CD84: variants seen among roughly 807,000 people sequenced by gnomAD.
CD84 encodes CD84 molecule.
In CD84, 22 loss-of-function variants were observed where a neutral mutation model predicts 33.8. The ratio of observed to expected loss-of-function variants is 0.65; its 90% CI spans 0.46 to 0.93. CD84 has a LOEUF of 0.93. Among genes scored for constraint, CD84 ranks in the 40% least tolerant of loss-of-function variants. CD84 has a pLI of 0.00. For missense variants in CD84, 400 were observed against 397.6 expected, an observed-to-expected ratio of 1.01 and a Z score of -0.05; for synonymous variants, 154 against 145.2, an observed-to-expected ratio of 1.06 and a Z score of -0.44.
At chr1:160,565,019 C>T (rs565235783) in intron 2 of CD84, among the ~76,000 whole-genome samples, 2 of 152,280 alleles carry the variant, frequency 1.3e-5, no homozygotes, top group South Asian at 2.1e-4. Flanking sequence ...TACATAGAAC[C>T]TCCCTGTATA....
rs559193995 is a variant in CD84, at chr1:160,552,946, T to A, written c.760+432A>T. 8.3e-5 allele frequency: 49 copies of A among 593,924 alleles called. 1 individual carries two copies. In the South Asian group the frequency reaches 8.6e-4, roughly 10 times the overall value. 36.8% of individuals were successfully genotyped at this position (593,924 alleles called of 1,614,324 possible). ...TGATCCAGAGGGATTCAGAGGGACA[T>A]AGTGACAACCATGGAGTACAGGATT... On this transcript the variant is annotated intron_variant, in intron 4 of 6. Coordinates refer to ENST00000368054, the MANE Select transcript of CD84 (RefSeq NM_003874.4).
chr1:160,551,301 AG>A (rs1656205710), intron 4 of CD84: 6 of 407,232 alleles, frequency 1.5e-5, no homozygotes. Flanking sequence ...CTGTGTGGCC[AG>A]TCAAATGTAG....
intron 2 of CD84, among the ~76,000 whole-genome samples, chr1:160,558,316 C>G (rs56236907): frequency 0.05 from 7,570 of 152,176 alleles, 641 homozygotes; most frequent in African/African-American, 0.17. Flanking sequence ...AGACTTCACT[C>G]GTGATACCTC....
intron 1 of CD84, among the ~76,000 whole-genome samples, chr1:160,567,271 C>T (rs1218372094): frequency 6.6e-6 from 1 of 152,138 alleles, no homozygotes; most frequent in African/African-American, 2.4e-5. Flanking sequence ...ACAAAAAAAG[C>T]GATTTCTTAA....
At chr1:160,565,846 C>T (rs1336605724) in intron 1 of CD84, 101 bp from the exon 2 acceptor site, 6 of 939,604 alleles carry the variant, frequency 6.4e-6, no homozygotes, top group Non-Finnish European at 9.2e-6. Context: ...GCCACAAATG[C>T]AGTTCACCCA....
intron 2 of CD84, among the ~76,000 whole-genome samples, chr1:160,555,066 A>G (rs1571354919): frequency 1.3e-5 from 2 of 151,550 alleles, no homozygotes; most frequent in Non-Finnish European, 1.5e-5. Flanking sequence ...TCAGCACACA[A>G]CTACATGAAA....
intron 6 of CD84, among the ~76,000 whole-genome samples, chr1:160,549,430 C>CT (rs369713099): frequency 2.0e-5 from 3 of 152,284 alleles, no homozygotes; most frequent in African/African-American, 7.2e-5. Context: ...AAGGCACAGG[C>CT]ATAAGGCACA....
At chr1:160,552,821 T>C in intron 4 of CD84, 1 of 1,021,224 alleles carries the variant, frequency 9.8e-7, no homozygotes, top group Non-Finnish European at 1.5e-6. Context: ...GAAAAGGAAG[T>C]TCTTGGGTGG....
chr1:160,547,230 A>ATC lies in CD84; in HGVS notation c.*1024_*1025dup. The ATC allele has an allele frequency of 2.5e-6, 1 of 398,628 alleles. No homozygotes were observed. Among genetic ancestry groups the ATC allele is most frequent in the Non-Finnish European group, 4.4e-6 (1 of 226,056 alleles). The allele number at this position is 398,628 out of a possible 1,614,324, so 24.7% of individuals were successfully genotyped here. ...ACCCAGTTTCATCATCTGCACCATC[A>ATC]TCTCCCAAGTTCCTTCTGGAGAATG... is the stretch of plus-strand genomic sequence containing the variant. On this transcript the variant is annotated 3_prime_UTR_variant, in exon 7 of 7. Transcript: ENST00000368054.
At chr1:160,574,462 G>T (rs1657878011) in intron 1 of CD84, among the ~76,000 whole-genome samples, 1 of 152,122 alleles carries the variant, frequency 6.6e-6, no homozygotes, top group South Asian at 2.1e-4. Context: ...GACCATGAAT[G>T]TCACTTACTT....
At chr1:160,579,323 T>G (rs1274276237) in intron 1 of CD84, 69 bp downstream of exon 1, 10 of 1,608,216 alleles carry the variant, frequency 6.2e-6, no homozygotes, top group Non-Finnish European at 7.7e-6. Flanking sequence ...CAGTTCAATG[T>G]CTTCCTTAAG....
intron 2 of CD84, among the ~76,000 whole-genome samples, chr1:160,564,771 A>T (rs1657213221): frequency 6.6e-6 from 1 of 152,146 alleles, no homozygotes; most frequent in African/African-American, 2.4e-5. Flanking sequence ...AAAGATGGAG[A>T]TGTGGCTATA....
chr1:160,565,823 T>C, intron 1 of CD84, 78 bp from the exon 2 acceptor site: 2 of 1,265,152 alleles, frequency 1.6e-6, no homozygotes, highest in Non-Finnish European at 2.1e-6. Context: ...GCCTTGGAGC[T>C]CCCTGAGGAG....
intron 6 of CD84, among the ~76,000 whole-genome samples, chr1:160,549,083 C>T (rs1228468933): frequency 6.6e-6 from 1 of 152,076 alleles, no homozygotes; most frequent in Non-Finnish European, 1.5e-5. Flanking sequence ...AAATGTCCCT[C>T]TATCTGGTTG....
In CD84 at chr1:160,550,584, C is replaced by T. The variant is rs191850949; in HGVS notation, c.858+354G>A. 4.6e-5 allele frequency: 45 copies of T among 979,110 alleles called. 1 individual carries two copies. Among genetic ancestry groups the T allele is most frequent in the Non-Finnish European group, 1.8e-5 (15 of 824,184 alleles). 60.7% of individuals were successfully genotyped at this position (979,110 alleles called of 1,614,324 possible). ...AGCCCCCTTAGCAACCTGTTCACCA[C>T]GTTGGTAGTCACATAGCAGCCCTCA... On this transcript the variant is annotated intron_variant, in intron 5 of 6. Transcript: ENST00000368054.
chr1:160,548,069 A>G lies in CD84; in HGVS notation c.*187T>C. On this transcript the variant is annotated 3_prime_UTR_variant, in exon 7 of 7. Coordinates refer to ENST00000368054, the MANE Select transcript of CD84 (RefSeq NM_003874.4). ...AGAAGGGAGTCATTTCAGGAAGGGT[A>G]TGCATCCATTTGTCCATTTAGGCAC... 1.6e-6 allele frequency: 1 copy of G among 621,566 alleles called. No homozygotes were observed. Among genetic ancestry groups the G allele is most frequent in the East Asian group, 2.8e-5 (1 of 36,052 alleles). 38.5% of individuals were successfully genotyped at this position (621,566 alleles called of 1,614,324 possible).
intron 1 of CD84, chr1:160,570,947 G>A (rs896544678): frequency 6.6e-5 from 10 of 152,162 alleles, no homozygotes; most frequent in Non-Finnish European, 1.3e-4. Context: ...AGGCCAGAAG[G>A]TCATGACAGC....
rs1237259388 is a variant in CD84, at chr1:160,548,080, T to A, written c.*176A>T. 1.6e-6 allele frequency: 1 copy of A among 641,050 alleles called. No homozygotes were observed. Among genetic ancestry groups the A allele is most frequent in the East Asian group, 2.7e-5 (1 of 36,440 alleles). 39.7% of individuals were successfully genotyped at this position (641,050 alleles called of 1,614,324 possible). A position where few individuals can be genotyped will look rare whatever the true frequency, so the allele number is the denominator to read the frequency against. On this transcript the variant is annotated 3_prime_UTR_variant, in exon 7 of 7. Transcript: ENST00000368054. ...ATTTCAGGAAGGGTATGCATCCATT[T>A]GTCCATTTAGGCACAAGCTATGCCC... is the stretch of plus-strand genomic sequence containing the variant.
rs368271458 is a variant in CD84, at chr1:160,545,990, C to CTT, written c.*2264_*2265dup. ...TTGCACCATGCTTATTGGCTTCTAT[C>CTT]TTTTTTTTTTTTTCGAGATGGAGTC... On this transcript the variant is annotated 3_prime_UTR_variant, in exon 7 of 7. Transcript: ENST00000368054. 63,398 of 138,926 alleles carry CTT rather than the reference C, an allele frequency of 0.46. 15,717 individuals carry two copies. Among genetic ancestry groups the CTT allele is most frequent in the East Asian group, 0.65 (3,013 of 4,604 alleles). 8.6% of individuals were successfully genotyped at this position (138,926 alleles called of 1,614,324 possible).
Sources: gnomAD v4.1 joint callset for allele counts (sites outside exome capture counted in the v4.1 genomes callset) on GRCh38, gnomAD v4.1.1 for gene constraint, MANE v1.5 for transcripts, NCBI Gene and HGNC (gene_info 2026-07-23, HGNC 2026-07-21) for gene names.